Variants in ST18 observed in about 807,000 individuals in gnomAD.
ST18 encodes the protein ST18 C2H2C-type zinc finger transcription factor, also known as suppression of tumorigenicity 18 protein.
ST18 carries 50 observed loss-of-function variants against 110.0 expected under a neutral mutation model. That is an observed-to-expected ratio of 0.45 (90% CI 0.36 to 0.58). The LOEUF is 0.58. Among genes scored for constraint, ST18 ranks in the 20% least tolerant of loss-of-function variants. The pLI, the probability that ST18 is intolerant of heterozygous loss-of-function variation, is 0.00. For missense variants in ST18, 1,306 were observed against 1,280.1 expected (o/e 1.02, Z -0.31); for synonymous variants, 461 against 452.4 (o/e 1.02, Z -0.24).
At chr8:52,357,879 C>A (rs1424548430) in intron 2 of ST18, among the ~76,000 whole-genome samples, 1 of 150,472 alleles carries the variant, frequency 6.6e-6, no homozygotes, top group Non-Finnish European at 1.5e-5. Flanking sequence ...TAGAGCGCTC[C>A]ACCTCACAGC....
At position 52,111,468 on chromosome 8, in the gene ST18, G is replaced by A. The variant is rs1248864583; in HGVS notation, c.*1730C>T. 1 of 152,676 alleles carries A rather than the reference G, an allele frequency of 6.5e-6. No individual in the cohort carries two copies. Among genetic ancestry groups the A allele is most frequent in the Non-Finnish European group, 1.5e-5 (1 of 68,120 alleles). 9.5% of individuals were successfully genotyped at this position (152,676 alleles called of 1,614,324 possible). A position where few individuals can be genotyped will look rare whatever the true frequency, so the allele number is the denominator to read the frequency against. ...GACAGTTCATCTTCACTAAACTAAGGTTCAAGAGTTCAAATGAACTCCAAA... is the reference window on the plus strand; with the variant it reads ...GACAGTTCATCTTCACTAAACTAAGATTCAAGAGTTCAAATGAACTCCAAA... On this transcript the variant is annotated 3_prime_UTR_variant, in exon 26 of 26. Coordinates refer to ENST00000689386, the MANE Select transcript of ST18 (RefSeq NM_001352837.2).
intron 10 of ST18, among the ~76,000 whole-genome samples, chr8:52,170,571 G>C (rs1587653734): frequency 6.6e-6 from 1 of 152,114 alleles, no homozygotes; most frequent in East Asian, 1.9e-4. Flanking sequence ...GGAATTTTGA[G>C]TAAATTTCAT....
At chr8:52,375,984 T>A (rs1352147571) in intron 2 of ST18, among the ~76,000 whole-genome samples, 1 of 152,188 alleles carries the variant, frequency 6.6e-6, no homozygotes, top group African/African-American at 2.4e-5. Context: ...CAGGAAATTG[T>A]ACTGGCTCTA....
intron 2 of ST18, chr8:52,393,575 C>G (rs79391346): frequency 6.6e-6 from 1 of 151,754 alleles, no homozygotes; most frequent in East Asian, 1.9e-4. Flanking sequence ...TGCATATTTA[C>G]GGGAAATGAA....
intron 9 of ST18, among the ~76,000 whole-genome samples, chr8:52,173,979 TC>T (rs202013719): frequency 0.011 from 1,629 of 152,248 alleles, 35 homozygotes; most frequent in African/African-American, 0.038. Context: ...GGTAATTATC[TC>T]CCTAAATCAA....
intron 2 of ST18, among the ~76,000 whole-genome samples, chr8:52,309,853 G>C (rs1418705437): frequency 6.6e-6 from 1 of 151,960 alleles, no homozygotes; most frequent in Non-Finnish European, 1.5e-5. Context: ...TCTCATAAAT[G>C]AAACTATTTT....
At chr8:52,146,156 T>C (rs1014175578) in intron 16 of ST18, among the ~76,000 whole-genome samples, 2 of 152,082 alleles carry the variant, frequency 1.3e-5, no homozygotes, top group Admixed American at 1.3e-4. Flanking sequence ...CATATTCCAG[T>C]CTCCAAATGT....
rs572716107 is a variant in ST18, at chr8:52,281,071, C to T, written c.-464-50994G>A. ...CATTAAAAAACTAAAAGTTTAAATG[C>T]TTCTAAATAACTCATAAAGCTCGTG... On this transcript the variant is annotated intron_variant, in intron 2 of 25. Coordinates refer to ENST00000689386, the MANE Select transcript of ST18 (RefSeq NM_001352837.2). Among the ~76,000 whole-genome samples the T allele has an allele frequency of 2.6e-4, 40 of 152,180 alleles. No homozygotes were observed. In the South Asian group the frequency reaches 6.0e-3, roughly 23 times the overall value.
At chr8:52,224,183 A>T (rs530873098) in intron 3 of ST18, among the ~76,000 whole-genome samples, 1 of 152,206 alleles carries the variant, frequency 6.6e-6, no homozygotes, top group South Asian at 2.1e-4. Context: ...TTATTTTTAT[A>T]TTAGTCAGTA....
chr8:52,258,876 A>G (rs184790208), intron 2 of ST18, among the ~76,000 whole-genome samples: 10 of 152,342 alleles, frequency 6.6e-5, no homozygotes, highest in South Asian at 2.1e-4. Flanking sequence ...TCAGCTTAAA[A>G]GCATTTTCAA....
At chr8:52,140,590 T>TAGAC (rs2054624169) in intron 17 of ST18, among the ~76,000 whole-genome samples, 1 of 146,588 alleles carries the variant, frequency 6.8e-6, no homozygotes, top group African/African-American at 2.5e-5. Flanking sequence ...GATAGATAGA[T>TAGAC]AGATAAAATG....
At chr8:52,276,189 C>A (rs1477069120) in intron 2 of ST18, among the ~76,000 whole-genome samples, 2 of 626 alleles carry the variant, frequency 3.2e-3, no homozygotes, top group Admixed American at 0.037. Flanking sequence ...ATCACACACA[C>A]ACACCACAAA....
In ST18 at chr8:52,304,238, A is replaced by C. The variant is rs764285821; in HGVS notation, c.-464-74161T>G. Among the ~76,000 whole-genome samples the C allele has an allele frequency of 2.6e-5, 4 of 152,346 alleles. No individual in the cohort carries two copies. In the South Asian group the frequency reaches 8.3e-4, roughly 32 times the overall value. ...ATGTTTAAAATAAAGTTATCATATA[A>C]AATTCCAATTATATGGAATTTACTT... is the stretch of plus-strand genomic sequence containing the variant. On this transcript the variant is annotated intron_variant, in intron 2 of 25. Coordinates refer to ENST00000689386, the MANE Select transcript of ST18 (RefSeq NM_001352837.2).
rs1298615193 is a variant in ST18 at position 52,113,200 on chromosome 8, A to G, written c.3142T>C (p.Ter1048GlnextTer21). Reference sequence around the variant, plus strand: ...TGTTGCCCGGCAGCGCTGTGATCCTACACATGGATACCCTTCACTGCCTGT... The same window carrying G: ...TGTTGCCCGGCAGCGCTGTGATCCTGCACATGGATACCCTTCACTGCCTGT... Reference protein sequence around the residue: ...IKQAVKGIHV* With the variant: ...IKQAVKGIHVQ Residue 1048 changes from the stop codon to glutamine (Q), a stop_lost, in exon 26 of 26, where the codon TAG becomes CAG. Transcript: ENST00000689386. 6 of 1,613,886 alleles carry G rather than the reference A, an allele frequency of 3.7e-6. No homozygotes were observed. Among genetic ancestry groups the G allele is most frequent in the Non-Finnish European group, 4.2e-6 (5 of 1,179,896 alleles).
chr8:52,233,739 C>T (rs78711628), intron 2 of ST18, among the ~76,000 whole-genome samples: 4,471 of 152,244 alleles, frequency 0.029, 123 homozygotes, highest in East Asian at 0.078. Context: ...ATTGGCTTCT[C>T]TCTAGATAAC....
In ST18 at chr8:52,406,676, T is replaced by G. The variant is rs576546288; in HGVS notation, c.-465+2652A>C. On this transcript the variant is annotated intron_variant, in intron 2 of 25. Coordinates refer to ENST00000689386, the MANE Select transcript of ST18 (RefSeq NM_001352837.2). ...GATCCTTTTGTGAAATCCATTCCTCTCTTCACCAAATCATTCACATTAGCC... is the reference window on the plus strand; with the variant it reads ...GATCCTTTTGTGAAATCCATTCCTCGCTTCACCAAATCATTCACATTAGCC... 2.6e-5 allele frequency: 4 copies of G among 152,334 alleles called. No homozygotes were observed. The East Asian group carries it at 7.7e-4, about 29-fold the overall frequency. 9.4% of individuals were successfully genotyped at this position (152,334 alleles called of 1,614,324 possible).
chr8:52,357,671 CTATAAATATA>C lies in ST18; in HGVS notation c.-465+51647_-465+51656del, dbSNP rs1385688513. Among the ~76,000 whole-genome samples, 27 of 60,018 alleles carry C rather than the reference CTATAAATATA, an allele frequency of 4.5e-4. 2 individuals are homozygous for C. The highest frequency in any genetic ancestry group is 1.4e-3 in the African/African-American group (27 of 19,206). 39.4% of individuals were successfully genotyped at this position (60,018 alleles called of 152,430 possible). A position where few individuals can be genotyped will look rare whatever the true frequency, so the allele number is the denominator to read the frequency against. On this transcript the variant is annotated intron_variant, in intron 2 of 25. Coordinates refer to ENST00000689386, the MANE Select transcript of ST18 (RefSeq NM_001352837.2). ...TTTACACATAACAAATCCCCAAAAT[CTATAAATATA>C]TATATATATATATATATATATATAT... is the stretch of plus-strand genomic sequence containing the variant.
At chr8:52,242,373 T>C (rs928380670) in intron 2 of ST18, among the ~76,000 whole-genome samples, 1 of 152,228 alleles carries the variant, frequency 6.6e-6, no homozygotes, top group African/African-American at 2.4e-5. Context: ...GGGGCTATGG[T>C]GCCTGAGGTT....
chr8:52,374,044 G>C (rs1347698513), intron 2 of ST18, among the ~76,000 whole-genome samples: 1 of 152,084 alleles, frequency 6.6e-6, no homozygotes, highest in Non-Finnish European at 1.5e-5. Flanking sequence ...GGACTGTCTT[G>C]CTTTCTACTT....
Sources: allele counts gnomAD v4.1 joint callset (sites outside exome capture counted in the v4.1 genomes callset), GRCh38; gene constraint gnomAD v4.1.1; transcripts MANE v1.5; gene names NCBI Gene and HGNC (gene_info 2026-07-23, HGNC 2026-07-21).